GRM7: variants seen among roughly 807,000 people sequenced by gnomAD.
The protein encoded by GRM7 is metabotropic glutamate receptor 7.
GRM7 carries 35 observed loss-of-function variants against 84.5 expected under a neutral mutation model. The observed-to-expected ratio is 0.41, with a 90% confidence interval of 0.32 to 0.55. GRM7 has a LOEUF of 0.55. Ranked by LOEUF, GRM7 falls within the 20% of genes least tolerant of loss-of-function variation. GRM7 has a pLI of 0.19. For synonymous variants in GRM7, 487 were observed against 455.1 expected, an observed-to-expected ratio of 1.07 and a Z score of -0.89; for missense variants, 1,003 against 1,194.6, an observed-to-expected ratio of 0.84 and a Z score of 2.36.
intron 5 of GRM7, among the ~76,000 whole-genome samples, chr3:7,444,559 A>G (rs191785837): frequency 3.3e-5 from 5 of 152,302 alleles, no homozygotes; most frequent in Admixed American, 3.3e-4. Context: ...ACCCACAACA[A>G]ATTGCTCTTG....
chr3:7,104,499 C>G (rs1351181578), intron 1 of GRM7, among the ~76,000 whole-genome samples: 1 of 151,804 alleles, frequency 6.6e-6, no homozygotes, highest in Non-Finnish European at 1.5e-5. Context: ...TTACTCTTAT[C>G]AGTTAGGATC....
At chr3:7,489,416 A>G (rs768800988) in intron 7 of GRM7, among the ~76,000 whole-genome samples, 1 of 152,130 alleles carries the variant, frequency 6.6e-6, no homozygotes, top group African/African-American at 2.4e-5. Context: ...AGCTCTGAAT[A>G]CTAATTTAAA....
chr3:7,385,969 G>A (rs1036611287), intron 4 of GRM7, among the ~76,000 whole-genome samples: 1 of 152,200 alleles, frequency 6.6e-6, no homozygotes, highest in Non-Finnish European at 1.5e-5. Flanking sequence ...GAGATGCAAA[G>A]CAAAACGTGC....
intron 7 of GRM7, among the ~76,000 whole-genome samples, chr3:7,508,776 A>C (rs1198874955): frequency 6.6e-6 from 1 of 152,206 alleles, no homozygotes; most frequent in East Asian, 1.9e-4. Flanking sequence ...TCAATGTCCT[A>C]TTAGAGTCAG....
At chr3:7,536,594 G>A (rs139440463) in intron 7 of GRM7, among the ~76,000 whole-genome samples, 131 of 152,300 alleles carry the variant, frequency 8.6e-4, no homozygotes, top group African/African-American at 3.0e-3. Flanking sequence ...CATTGCTGAG[G>A]CTAGGTTATG....
chr3:6,982,624 A>AT (rs1694252979), intron 1 of GRM7, among the ~76,000 whole-genome samples: 1 of 151,918 alleles, frequency 6.6e-6, no homozygotes, highest in African/African-American at 2.4e-5. Flanking sequence ...AAAAAAAAAA[A>AT]CCTTTATGTT....
chr3:6,987,177 A>G (rs559157293), intron 1 of GRM7, among the ~76,000 whole-genome samples: 16 of 152,052 alleles, frequency 1.1e-4, no homozygotes, highest in African/African-American at 2.7e-4. Flanking sequence ...CTTTATTGAC[A>G]ACTGTTTCTT....
chr3:7,703,441 C>CTTT (rs5846532), intron 9 of GRM7, among the ~76,000 whole-genome samples: 1 of 149,664 alleles, frequency 6.7e-6, no homozygotes, highest in African/African-American at 2.5e-5. Flanking sequence ...CACATTAAGA[C>CTTT]TTTTTTTTTT....
intron 1 of GRM7, among the ~76,000 whole-genome samples, chr3:6,995,700 G>A (rs983898232): frequency 6.6e-6 from 1 of 152,058 alleles, no homozygotes; most frequent in Non-Finnish European, 1.5e-5. Flanking sequence ...TTTTAAAGCA[G>A]GCTGAACATT....
At chr3:7,240,410 A>G (rs1320289122) in intron 2 of GRM7, among the ~76,000 whole-genome samples, 1 of 151,978 alleles carries the variant, frequency 6.6e-6, no homozygotes, top group Non-Finnish European at 1.5e-5. Context: ...ATTGGGCATA[A>G]TTTTAACCAA....
At chr3:7,452,397 A>G (rs543364433) in intron 5 of GRM7, among the ~76,000 whole-genome samples, 2 of 152,334 alleles carry the variant, frequency 1.3e-5, no homozygotes, top group African/African-American at 4.8e-5. Context: ...AAATACTACA[A>G]GCTATTAGAG....
chr3:7,338,816 A>G (rs1026377091), intron 4 of GRM7, among the ~76,000 whole-genome samples: 2 of 152,070 alleles, frequency 1.3e-5, no homozygotes, highest in East Asian at 3.9e-4. Context: ...AAACCAACAA[A>G]TTATCTCCCT....
At chr3:7,146,403 C>T in intron 1 of GRM7, 49 bp from the exon 2 acceptor site, 1 of 1,351,166 alleles carries the variant, frequency 7.4e-7, no homozygotes, top group Non-Finnish European at 1.1e-6. Context: ...AAATGAGTCT[C>T]TTACATCCTG....
At chr3:7,335,921 CA>C (rs942017641) in intron 4 of GRM7, among the ~76,000 whole-genome samples, 26 of 151,248 alleles carry the variant, frequency 1.7e-4, no homozygotes, top group Non-Finnish European at 2.5e-4. Flanking sequence ...TAAAAATTGC[CA>C]AAAAAAGGTC....
chr3:7,666,758 ACTT>A lies in GRM7; in HGVS notation c.2452-13287_2452-13285del, dbSNP rs1028161747. ...CGGTATTATTAATTTTATTATTATT[ACTT>A]CTTATTACATATATTATATATTGCA... is the stretch of plus-strand genomic sequence containing the variant. On this transcript the variant is annotated intron_variant, in intron 8 of 9. Transcript: ENST00000357716. Among the ~76,000 whole-genome samples the A allele has an allele frequency of 7.3e-4, 111 of 152,226 alleles. 1 individual carries two copies. Among genetic ancestry groups the A allele is most frequent in the African/African-American group, 2.0e-3 (82 of 41,544 alleles).
At chr3:7,480,787 C>A (rs936005499) in intron 7 of GRM7, among the ~76,000 whole-genome samples, 24 of 152,094 alleles carry the variant, frequency 1.6e-4, no homozygotes, top group African/African-American at 5.3e-4. Context: ...TGGAAGTTAC[C>A]AGAGCCTACC....
chr3:6,985,968 ACAAGTG>A (rs1694394609), intron 1 of GRM7, among the ~76,000 whole-genome samples: 1 of 152,160 alleles, frequency 6.6e-6, no homozygotes, highest in African/African-American at 2.4e-5. Flanking sequence ...AACCAGCCTA[ACAAGTG>A]TGAGGTGACA....
intron 1 of GRM7, among the ~76,000 whole-genome samples, chr3:6,980,342 T>G (rs532979051): frequency 6.6e-6 from 1 of 152,308 alleles, no homozygotes; most frequent in Non-Finnish European, 1.5e-5. Context: ...AAAAATGTAC[T>G]TATGCAACAT....
At chr3:7,319,180 G>C (rs546665184) in intron 4 of GRM7, among the ~76,000 whole-genome samples, 1 of 152,144 alleles carries the variant, frequency 6.6e-6, no homozygotes, top group Admixed American at 6.6e-5. Context: ...TCAGAGGATG[G>C]ATCGTGATAA....
Sources: gnomAD v4.1 joint callset for allele counts (sites outside exome capture counted in the v4.1 genomes callset) on GRCh38, gnomAD v4.1.1 for gene constraint, MANE v1.5 for transcripts, NCBI Gene and HGNC (gene_info 2026-07-23, HGNC 2026-07-21) for gene names.